The following DOCK4 variants were observed in gnomAD, a reference collection of about 807,000 sequenced individuals.
DOCK4 encodes dedicator of cytokinesis protein 4.
Under a neutral mutation model 268.1 loss-of-function variants are expected in DOCK4, and 97 were observed. The observed-to-expected ratio is 0.36, with a 90% CI of 0.31 to 0.43. The LOEUF is 0.43. DOCK4 is among the 20% of genes least tolerant of loss of function. The pLI is 1.00. For synonymous variants in DOCK4, 954 were observed against 887.2 expected (o/e 1.08, Z -1.34); for missense variants, 2,145 against 2,455.7 (o/e 0.87, Z 2.67).
intron 17 of DOCK4, 63 bp downstream of exon 17, chr7:111,876,967 T>C (rs1375934583): frequency 2.3e-6 from 3 of 1,282,832 alleles, no homozygotes; most frequent in Non-Finnish European, 3.0e-6. Flanking sequence ...TTACTGAATA[T>C]GCTTACCAAA....
At chr7:112,000,253 A>C (rs975237926) in intron 3 of DOCK4, among the ~76,000 whole-genome samples, 2 of 152,168 alleles carry the variant, frequency 1.3e-5, no homozygotes, top group Non-Finnish European at 2.9e-5. Flanking sequence ...TTGTTTATAT[A>C]TAATGAGCTT....
At chr7:112,112,844 C>G (rs779667202) in intron 1 of DOCK4, among the ~76,000 whole-genome samples, 6 of 152,152 alleles carry the variant, frequency 3.9e-5, no homozygotes, top group Non-Finnish European at 7.3e-5. Flanking sequence ...AGCCTCTCAT[C>G]TCTCCCAATT....
At chr7:111,938,973 C>CAA (rs557205821) in intron 11 of DOCK4, among the ~76,000 whole-genome samples, 1,218 of 53,632 alleles carry the variant, frequency 0.023, 30 homozygotes, top group African/African-American at 0.075. Flanking sequence ...GACTCTGTCT[C>CAA]AAAAAAAAAA....
chr7:111,829,213 T>C (rs112309617), intron 26 of DOCK4, among the ~76,000 whole-genome samples: 1,591 of 152,330 alleles, frequency 0.01, 30 homozygotes, highest in African/African-American at 0.036. Flanking sequence ...ATTCTATGAC[T>C]AGAACTGCTT....
intron 1 of DOCK4, among the ~76,000 whole-genome samples, chr7:112,012,328 T>G (rs1801405385): frequency 1.3e-5 from 2 of 152,020 alleles, no homozygotes; most frequent in Non-Finnish European, 1.5e-5. Context: ...TAATACTGCT[T>G]TTTCTGATAA....
At chr7:112,081,699 T>G (rs1808600055) in intron 1 of DOCK4, among the ~76,000 whole-genome samples, 1 of 152,140 alleles carries the variant, frequency 6.6e-6, no homozygotes, top group South Asian at 2.1e-4. Context: ...CCGTCAATAC[T>G]CCACACACAG....
At chr7:111,822,648 A>G (rs1188615217) in intron 26 of DOCK4, among the ~76,000 whole-genome samples, 192 bp from the exon 27 acceptor site, 2 of 152,166 alleles carry the variant, frequency 1.3e-5, no homozygotes, top group South Asian at 2.1e-4. Flanking sequence ...AACCCACCCA[A>G]ATGTTTTCTT....
intron 14 of DOCK4, among the ~76,000 whole-genome samples, chr7:111,900,754 A>G (rs1168071756): frequency 6.6e-6 from 1 of 152,204 alleles, no homozygotes; most frequent in East Asian, 1.9e-4. Context: ...TGCCAAGGGT[A>G]GACCCGGGTG....
chr7:112,061,406 C>T (rs534884592), intron 1 of DOCK4, among the ~76,000 whole-genome samples: 30 of 152,270 alleles, frequency 2.0e-4, no homozygotes, highest in African/African-American at 6.0e-4. Flanking sequence ...ATTAAGAAGA[C>T]TGTCCTAGAG....
chr7:112,000,443 CTA>C, intron 3 of DOCK4, 49 bp downstream of exon 3: 1 of 1,103,968 alleles, frequency 9.1e-7, no homozygotes, highest in Non-Finnish European at 1.3e-6. Flanking sequence ...ATTTAAATAA[CTA>C]TCTTTCTTAA....
At chr7:111,841,759 T>A (rs1244934897) in intron 25 of DOCK4, among the ~76,000 whole-genome samples, 1 of 152,132 alleles carries the variant, frequency 6.6e-6, no homozygotes, top group Non-Finnish European at 1.5e-5. Flanking sequence ...GGACAATCAC[T>A]CTGCCTGCCC....
At chr7:111,737,457 C>A (rs982136391) in intron 49 of DOCK4, among the ~76,000 whole-genome samples, 2 of 151,860 alleles carry the variant, frequency 1.3e-5, no homozygotes, top group Non-Finnish European at 2.9e-5. Context: ...AATACAAATG[C>A]TACAGTGGTG....
At chr7:111,889,572 T>A (rs1210372570) in intron 16 of DOCK4, among the ~76,000 whole-genome samples, 1 of 152,154 alleles carries the variant, frequency 6.6e-6, no homozygotes, top group Admixed American at 6.5e-5. Context: ...GAAGTCCATC[T>A]CAAAGGTAGT....
chr7:111,977,136 T>C lies in DOCK4; in HGVS notation c.697A>G (p.Ile233Val), dbSNP rs1307244297. The C allele has an allele frequency of 1.1e-5, 17 of 1,613,022 alleles. No individual in the cohort carries two copies. Among genetic ancestry groups the C allele is most frequent in the Non-Finnish European group, 1.4e-5 (16 of 1,179,596 alleles). The change falls in exon 8 of 53, where the codon ATC (isoleucine) becomes GTC (valine). Residue 233 changes from isoleucine to valine, a missense_variant. Physicochemically the swap from Ile to Val is conservative, Grantham distance 29. This residue lies in a region of DOCK4 where 1,598 missense variants were observed against 1,986.7 expected (regional missense o/e 0.80). Coordinates refer to ENST00000428084, the MANE Select transcript of DOCK4 (RefSeq NM_001363540.2). The stretch of plus-strand genomic sequence containing the variant: ...CCTATCTCCACGTGCAGGTACCTGA[T>C]TGGCCGGTTCTCTTTACTGTCAAAG... ...SLFDSKENRP[I>V]SERFFLRLNR...
chr7:111,860,268 G>A (rs1192565089), intron 23 of DOCK4, among the ~76,000 whole-genome samples: 1 of 152,162 alleles, frequency 6.6e-6, no homozygotes, highest in Non-Finnish European at 1.5e-5. Context: ...CGTTTCCCTA[G>A]CAGTATTGTG....
intron 1 of DOCK4, among the ~76,000 whole-genome samples, chr7:112,041,313 G>A (rs894100175): frequency 2.0e-5 from 3 of 152,126 alleles, no homozygotes; most frequent in Non-Finnish European, 2.9e-5. Context: ...GAAGGAATAC[G>A]GGAGAGAAGA....
intron 24 of DOCK4, among the ~76,000 whole-genome samples, chr7:111,845,361 G>A (rs1160917425): frequency 6.6e-6 from 1 of 152,138 alleles, no homozygotes; most frequent in African/African-American, 2.4e-5. Flanking sequence ...TATAAAAAAT[G>A]ATTTTTAAAA....
intron 1 of DOCK4, among the ~76,000 whole-genome samples, chr7:112,177,411 A>G (rs1183113938): frequency 2.6e-5 from 4 of 152,242 alleles, no homozygotes; most frequent in African/African-American, 7.2e-5. Flanking sequence ...CCTGGCAAAC[A>G]GAACTGTTCG....
intron 1 of DOCK4, among the ~76,000 whole-genome samples, chr7:112,202,202 C>T (rs1821006198): frequency 6.6e-6 from 1 of 152,156 alleles, no homozygotes; most frequent in Admixed American, 6.5e-5. Flanking sequence ...TGAATATATA[C>T]CAAGCAGTGG....
Sources: allele counts gnomAD v4.1 joint callset (sites outside exome capture counted in the v4.1 genomes callset), GRCh38; gene constraint gnomAD v4.1.1; regional missense constraint gnomAD v4.1.1; transcripts MANE v1.5; gene names NCBI Gene and HGNC (gene_info 2026-07-23, HGNC 2026-07-21).